Variants in MALRD1 observed in about 807,000 individuals in gnomAD.
MALRD1 encodes MAM and LDL receptor class A domain containing 1.
In MALRD1, 247 loss-of-function variants were observed where a neutral mutation model predicts 242.1. The observed-to-expected ratio is 1.02, with a 90% CI of 0.92 to 1.13. The LOEUF (loss-of-function observed/expected upper bound fraction) is 1.13, where lower values mean the gene tolerates loss of function less well. MALRD1 is among the 50% of genes most tolerant of loss of function. The probability of loss-of-function intolerance (pLI) is 0.00; values close to 1 mark genes in which losing one functional copy is unlikely to be tolerated. For synonymous variants in MALRD1, 995 were observed against 866.6 expected, an observed-to-expected ratio of 1.15 and a Z score of -2.60; for missense variants, 2,989 against 2,533.1, an observed-to-expected ratio of 1.18 and a Z score of -3.86.
At chr10:19,145,698 G>A (rs765251053) in intron 10 of MALRD1, among the ~76,000 whole-genome samples, 13 of 149,336 alleles carry the variant, frequency 8.7e-5, no homozygotes, top group Non-Finnish European at 1.3e-4. Flanking sequence ...GCTCAGTTCC[G>A]AATATCTAAT....
At chr10:19,595,638 AC>A (rs1293704022) in intron 34 of MALRD1, among the ~76,000 whole-genome samples, 181 bp downstream of exon 34, 3 of 152,088 alleles carry the variant, frequency 2.0e-5, no homozygotes, top group Non-Finnish European at 4.4e-5. Context: ...GTTTCCAGCA[AC>A]ACCCCGTTTG....
At chr10:19,413,754 C>T (rs957644176) in intron 28 of MALRD1, among the ~76,000 whole-genome samples, 15 of 151,726 alleles carry the variant, frequency 9.9e-5, no homozygotes, top group African/African-American at 3.6e-4. Context: ...GAGGCCGAGG[C>T]GAGTGGATCA....
chr10:19,240,853 G>A (rs139902320), intron 18 of MALRD1, among the ~76,000 whole-genome samples: 1 of 152,054 alleles, frequency 6.6e-6, no homozygotes, highest in Non-Finnish European at 1.5e-5. Flanking sequence ...CTATTGTGGT[G>A]GTGTATCATA....
At chr10:19,581,803 C>G (rs1413873911) in intron 33 of MALRD1, among the ~76,000 whole-genome samples, 2 of 151,084 alleles carry the variant, frequency 1.3e-5, no homozygotes, top group Non-Finnish European at 1.5e-5. Flanking sequence ...ACACTGACTT[C>G]CACAATGGTT....
chr10:19,059,857 GT>G (rs1218604799), intron 1 of MALRD1, among the ~76,000 whole-genome samples: 2 of 152,082 alleles, frequency 1.3e-5, no homozygotes, highest in Non-Finnish European at 2.9e-5. Context: ...TCATTTCTAT[GT>G]TTTTTCCCAA....
At chr10:19,501,060 A>G (rs1053961068) in intron 31 of MALRD1, among the ~76,000 whole-genome samples, 1 of 152,184 alleles carries the variant, frequency 6.6e-6, no homozygotes, top group African/African-American at 2.4e-5. Context: ...TGTGCCTTGG[A>G]GTTGGGAGGA....
chr10:19,614,611 A>C (rs940128416), intron 35 of MALRD1, among the ~76,000 whole-genome samples: 1 of 152,060 alleles, frequency 6.6e-6, no homozygotes, highest in Non-Finnish European at 1.5e-5. Context: ...ATAAGGAGGC[A>C]GTTCATATGA....
intron 21 of MALRD1, among the ~76,000 whole-genome samples, chr10:19,287,628 A>C (rs1841190614): frequency 6.6e-6 from 1 of 152,036 alleles, no homozygotes; most frequent in Non-Finnish European, 1.5e-5. Flanking sequence ...CCCACACACC[A>C]AGTAGGGAAA....
chr10:19,088,229 A>AG (rs1835741832), intron 4 of MALRD1, 44 bp downstream of exon 4: 2 of 1,227,554 alleles, frequency 1.6e-6, no homozygotes, highest in Admixed American at 4.2e-5. Flanking sequence ...AAGAAAAATA[A>AG]GATACAGATC....
intron 34 of MALRD1, among the ~76,000 whole-genome samples, chr10:19,599,248 C>T (rs535625137): frequency 4.6e-5 from 7 of 152,062 alleles, no homozygotes; most frequent in African/African-American, 1.4e-4. Flanking sequence ...ACAGGGAAAT[C>T]GATAATAATT....
intron 21 of MALRD1, among the ~76,000 whole-genome samples, chr10:19,292,768 C>T (rs1841507057): frequency 6.6e-6 from 1 of 151,918 alleles, no homozygotes; most frequent in Non-Finnish European, 1.5e-5. Context: ...TGGCGGGCGC[C>T]TGTAGTCCCA....
chr10:19,357,393 T>C (rs545360586), intron 26 of MALRD1, among the ~76,000 whole-genome samples: 31 of 152,174 alleles, frequency 2.0e-4, no homozygotes, highest in Non-Finnish European at 4.1e-4. Context: ...AGTCTCATTT[T>C]ACATTATCCT....
intron 32 of MALRD1, among the ~76,000 whole-genome samples, chr10:19,547,098 G>C (rs1187273583): frequency 6.6e-6 from 1 of 152,028 alleles, no homozygotes; most frequent in Non-Finnish European, 1.5e-5. Flanking sequence ...CTAAGTGTCG[G>C]GCTAACTAAC....
intron 18 of MALRD1, among the ~76,000 whole-genome samples, chr10:19,226,916 A>T (rs1837825680): frequency 6.6e-6 from 1 of 152,072 alleles, no homozygotes; most frequent in Admixed American, 6.6e-5. Flanking sequence ...AATTTAACTT[A>T]TAATAGCCTC....
intron 38 of MALRD1, among the ~76,000 whole-genome samples, chr10:19,693,491 TA>T (rs1833207511): frequency 6.6e-6 from 1 of 151,840 alleles, no homozygotes; most frequent in Admixed American, 6.6e-5. Flanking sequence ...TCAAAGAGAA[TA>T]AAATGCCTAG....
chr10:19,424,771 T>C (rs1482841056), intron 28 of MALRD1, among the ~76,000 whole-genome samples: 1 of 152,148 alleles, frequency 6.6e-6, no homozygotes, highest in Non-Finnish European at 1.5e-5. Flanking sequence ...TCTCTAAGTC[T>C]TGATACAGCT....
chr10:19,573,999 AG>A (rs1456573779), intron 33 of MALRD1, among the ~76,000 whole-genome samples: 2 of 152,344 alleles, frequency 1.3e-5, no homozygotes, highest in African/African-American at 4.8e-5. Flanking sequence ...ATGTCATCAT[AG>A]GGCATCCTTT....
chr10:19,238,558 T>TATATATA (rs1200394390), intron 18 of MALRD1, among the ~76,000 whole-genome samples: 1 of 75,626 alleles, frequency 1.3e-5, no homozygotes, highest in Admixed American at 2.4e-4. Context: ...TAATGTATAT[T>TATATATA]ATATATAATA....
chr10:19,639,731 C>T (rs1045765141), intron 36 of MALRD1, among the ~76,000 whole-genome samples: 5 of 152,112 alleles, frequency 3.3e-5, no homozygotes, highest in African/African-American at 9.7e-5. Flanking sequence ...AACATATATG[C>T]CTCTGGTGGG....
Sources: allele counts gnomAD v4.1 joint callset (sites outside exome capture counted in the v4.1 genomes callset), GRCh38; gene constraint gnomAD v4.1.1; transcripts MANE v1.5; gene names NCBI Gene and HGNC (gene_info 2026-07-23, HGNC 2026-07-21).